BMPER: variants seen among roughly 807,000 people sequenced by gnomAD.
The protein encoded by BMPER is BMP-binding endothelial regulator protein.
In BMPER, 45 loss-of-function variants were observed where a neutral mutation model predicts 87.3. The ratio of observed to expected loss-of-function variants is 0.52; its 90% CI spans 0.41 to 0.66. BMPER has a LOEUF of 0.66. Among genes scored for constraint, BMPER ranks in the 30% least tolerant of loss-of-function variants. The pLI is 0.00. For missense variants in BMPER, 784 were observed against 867.5 expected (o/e 0.90, Z 1.21); for synonymous variants, 326 against 316.2 (o/e 1.03, Z -0.33).
chr7:34,093,128 A>G lies in BMPER; in HGVS notation c.1745+7036A>G, dbSNP rs1202109802. 2.6e-5 allele frequency among the ~76,000 whole-genome samples: 4 copies of G among 152,318 alleles called. No homozygotes were observed. The East Asian group carries it at 5.8e-4, about 22-fold the overall frequency. On this transcript the variant is annotated intron_variant, in intron 13 of 14. Coordinates refer to ENST00000649409, the MANE Select transcript of BMPER (RefSeq NM_001365308.1). ...AATACTCATGGGTGTGATTTATATT[A>G]TAGGAAAAGGATATAGATCAAAATC...
intron 13 of BMPER, among the ~76,000 whole-genome samples, chr7:34,100,096 C>T (rs1027231972): frequency 6.6e-6 from 1 of 151,982 alleles, no homozygotes; most frequent in African/African-American, 2.4e-5. Context: ...TTTTTTGAGC[C>T]CTATTAAATG....
intron 14 of BMPER, among the ~76,000 whole-genome samples, chr7:34,149,206 G>A (rs61311701): frequency 0.055 from 8,295 of 152,180 alleles, 540 homozygotes; most frequent in African/African-American, 0.16. Context: ...AGCTGCACAG[G>A]CACGACTGCA....
chr7:34,097,858 A>G (rs1789570460), intron 13 of BMPER, among the ~76,000 whole-genome samples: 1 of 152,138 alleles, frequency 6.6e-6, no homozygotes, highest in Non-Finnish European at 1.5e-5. Flanking sequence ...CAATTGCTAA[A>G]CATTAGAGAC....
chr7:33,964,318 T>A (rs1010161915), intron 3 of BMPER, among the ~76,000 whole-genome samples: 3 of 152,206 alleles, frequency 2.0e-5, no homozygotes, highest in African/African-American at 7.2e-5. Context: ...GGATTACATA[T>A]ACTAAAGAGA....
At chr7:34,056,343 G>A (rs1292774666) in intron 9 of BMPER, among the ~76,000 whole-genome samples, 3 of 151,996 alleles carry the variant, frequency 2.0e-5, no homozygotes, top group African/African-American at 4.8e-5. Flanking sequence ...TATGGCACAC[G>A]TTTACCTATG....
intron 12 of BMPER, 150 bp downstream of exon 12, chr7:34,079,336 A>C: frequency 7.2e-6 from 7 of 975,052 alleles, no homozygotes; most frequent in Non-Finnish European, 1.1e-5. Flanking sequence ...GACTTGCCTC[A>C]TCCCCACTCA....
At chr7:34,039,410 A>G (rs188589163) in intron 6 of BMPER, among the ~76,000 whole-genome samples, 51 of 152,228 alleles carry the variant, frequency 3.4e-4, no homozygotes, top group Middle Eastern at 3.4e-3. Context: ...ACATTTGGCA[A>G]TGTCTGGAGA....
intron 6 of BMPER, among the ~76,000 whole-genome samples, chr7:34,004,125 A>G (rs567604743): frequency 6.6e-6 from 1 of 152,180 alleles, no homozygotes; most frequent in East Asian, 1.9e-4. Context: ...AAATAATGTC[A>G]AATGTTTTGT....
chr7:33,938,225 T>C (rs150551718), intron 3 of BMPER, among the ~76,000 whole-genome samples: 150 of 152,276 alleles, frequency 9.9e-4, no homozygotes, highest in Middle Eastern at 3.4e-3. Flanking sequence ...ATTAGCCCAG[T>C]GTTCAGGGTG....
intron 6 of BMPER, among the ~76,000 whole-genome samples, chr7:34,020,409 T>C (rs1033054546): frequency 2.0e-5 from 3 of 151,958 alleles, no homozygotes; most frequent in African/African-American, 7.2e-5. Context: ...CTGTTTCACA[T>C]CCAAGGGTGT....
intron 13 of BMPER, among the ~76,000 whole-genome samples, chr7:34,116,153 A>AT: frequency 6.6e-6 from 1 of 152,264 alleles, no homozygotes; most frequent in Non-Finnish European, 1.5e-5. Flanking sequence ...AAAGAATGAG[A>AT]TAAAAAAATG....
At chr7:34,003,180 TAC>T (rs568097275) in intron 6 of BMPER, among the ~76,000 whole-genome samples, 5 of 151,540 alleles carry the variant, frequency 3.3e-5, no homozygotes, top group Non-Finnish European at 5.9e-5. Context: ...TAAATGTGTG[TAC>T]ACACACACAC....
At chr7:34,137,563 A>T (rs947526999) in intron 13 of BMPER, among the ~76,000 whole-genome samples, 1 of 152,256 alleles carries the variant, frequency 6.6e-6, no homozygotes, top group African/African-American at 2.4e-5. Flanking sequence ...GTTTCAAAGG[A>T]TCTGTGCAAT....
At position 33,944,697 on chromosome 7, in the gene BMPER, T is replaced by G. The variant is rs1585663804; in HGVS notation, c.319+7309T>G. On this transcript the variant is annotated intron_variant, in intron 3 of 14. Transcript: ENST00000649409. ...AATTCCTCATATTCTATAGTTGAGT[T>G]TCTGTTTATCGTTTATTCTATGTGT... 2.0e-5 allele frequency among the ~76,000 whole-genome samples: 3 copies of G among 152,170 alleles called. 1 individual carries two copies. Among genetic ancestry groups the G allele is most frequent in the Admixed American group, 2.0e-4 (3 of 15,282 alleles).
chr7:33,941,221 T>C (rs1246006595), intron 3 of BMPER, among the ~76,000 whole-genome samples: 4 of 143,138 alleles, frequency 2.8e-5, no homozygotes, highest in Non-Finnish European at 1.5e-5. Flanking sequence ...ATAATTTTAA[T>C]ATAAATATAT....
chr7:34,016,802 CT>C (rs201360958), intron 6 of BMPER, among the ~76,000 whole-genome samples: 1 of 151,606 alleles, frequency 6.6e-6, no homozygotes, highest in East Asian at 2.0e-4. Context: ...CAGAAAAAAC[CT>C]TTTTTTTGTG....
chr7:34,112,482 G>A (rs1210217019), intron 13 of BMPER, among the ~76,000 whole-genome samples: 11 of 114,208 alleles, frequency 9.6e-5, no homozygotes, highest in East Asian at 2.9e-4. Flanking sequence ...GCGACGGAGC[G>A]AGACTCCGTC....
At chr7:34,108,992 A>G (rs1235566549) in intron 13 of BMPER, among the ~76,000 whole-genome samples, 1 of 152,196 alleles carries the variant, frequency 6.6e-6, no homozygotes, top group Non-Finnish European at 1.5e-5. Flanking sequence ...AACCAATATG[A>G]TATGTGTATA....
intron 12 of BMPER, among the ~76,000 whole-genome samples, chr7:34,084,291 A>C (rs541834657): frequency 9.6e-4 from 147 of 152,346 alleles, no homozygotes; most frequent in African/African-American, 3.2e-3. Flanking sequence ...ACAGAGCAAG[A>C]CTGTCTAAAA....
Sources: allele counts gnomAD v4.1 joint callset (sites outside exome capture counted in the v4.1 genomes callset), GRCh38; gene constraint gnomAD v4.1.1; transcripts MANE v1.5; gene names NCBI Gene and HGNC (gene_info 2026-07-23, HGNC 2026-07-21).